RALGPS1: variants seen among roughly 807,000 people sequenced by gnomAD.
RALGPS1 encodes the protein Ral GEF with PH domain and SH3 binding motif 1.
RALGPS1 carries 19 observed loss-of-function variants against 78.8 expected under a neutral mutation model. The observed-to-expected ratio is 0.24, with a 90% CI of 0.17 to 0.35. The LOEUF (loss-of-function observed/expected upper bound fraction) is 0.35. Ranked by LOEUF, RALGPS1 falls within the 10% of genes least tolerant of loss-of-function variation. The pLI is 1.00. For synonymous variants in RALGPS1, 228 were observed against 256.3 expected, an observed-to-expected ratio of 0.89 and a Z score of 1.06; for missense variants, 454 against 688.3, an observed-to-expected ratio of 0.66 and a Z score of 3.81.
At chr9:127,081,629 A>C (rs1267081060) in intron 8 of RALGPS1, among the ~76,000 whole-genome samples, 3 of 152,340 alleles carry the variant, frequency 2.0e-5, no homozygotes, top group East Asian at 1.9e-4. Flanking sequence ...CACATTAACT[A>C]TCCTTCTAGG....
intron 18 of RALGPS1, among the ~76,000 whole-genome samples, chr9:127,215,428 G>A (rs1193727897): frequency 1.3e-5 from 2 of 152,246 alleles, no homozygotes; most frequent in African/African-American, 2.4e-5. Flanking sequence ...GGTGTTATGC[G>A]AAATGTTTCC....
intron 4 of RALGPS1, among the ~76,000 whole-genome samples, chr9:127,007,539 G>C (rs1394361207): frequency 6.6e-6 from 1 of 152,196 alleles, no homozygotes; most frequent in East Asian, 1.9e-4. Flanking sequence ...GGTGTATGGT[G>C]GGGGGCTCAG....
intron 9 of RALGPS1, among the ~76,000 whole-genome samples, chr9:127,168,227 G>A (rs140619098): frequency 1.3e-3 from 197 of 152,288 alleles, no homozygotes; most frequent in Non-Finnish European, 2.4e-3. Context: ...GGCTGGACAG[G>A]GTCTGTTCAT....
chr9:127,037,480 C>G (rs1380059617), intron 5 of RALGPS1, among the ~76,000 whole-genome samples: 1 of 152,234 alleles, frequency 6.6e-6, no homozygotes, highest in Non-Finnish European at 1.5e-5. Context: ...AACCCCAGCT[C>G]AAACTCAGTT....
chr9:127,138,822 A>G (rs957226131), intron 8 of RALGPS1, among the ~76,000 whole-genome samples: 1 of 152,190 alleles, frequency 6.6e-6, no homozygotes, highest in African/African-American at 2.4e-5. Context: ...TGTGACATCC[A>G]TTAGGAGCTC....
intron 14 of RALGPS1, among the ~76,000 whole-genome samples, chr9:127,206,418 GTTC>G (rs1014229259): frequency 1.3e-5 from 2 of 152,196 alleles, no homozygotes; most frequent in South Asian, 2.1e-4. Flanking sequence ...AAGCAAACAT[GTTC>G]TTCTTCATAT....
At chr9:127,074,718 G>A (rs1249634581) in intron 8 of RALGPS1, among the ~76,000 whole-genome samples, 2 of 152,258 alleles carry the variant, frequency 1.3e-5, no homozygotes, top group African/African-American at 4.8e-5. Flanking sequence ...ATAGCCCAGT[G>A]AATAAGCAGG....
chr9:127,126,099 T>G (rs1301463871), intron 8 of RALGPS1, among the ~76,000 whole-genome samples: 1 of 152,002 alleles, frequency 6.6e-6, no homozygotes, highest in Non-Finnish European at 1.5e-5. Flanking sequence ...CACCATTATT[T>G]GAAGCTTCAC....
In RALGPS1 at chr9:127,210,959, G is replaced by A. The variant is rs576113957; in HGVS notation, c.1248-1172G>A. Among the ~76,000 whole-genome samples, 5 of 152,314 alleles carry A rather than the reference G, an allele frequency of 3.3e-5. No homozygotes were observed. The East Asian group carries it at 9.6e-4, about 29-fold the overall frequency. On this transcript the variant is annotated intron_variant, in intron 14 of 18. Coordinates refer to ENST00000259351, the MANE Select transcript of RALGPS1 (RefSeq NM_014636.3). ...GAGGGGCACTCAGGAAGAGGAGGGG[G>A]AGCTTACTTGGTTCGGGAGATCAGG...
intron 8 of RALGPS1, among the ~76,000 whole-genome samples, chr9:127,152,964 A>C (rs1295435639): frequency 2.0e-5 from 3 of 152,240 alleles, no homozygotes; most frequent in African/African-American, 7.2e-5. Flanking sequence ...GAAGAAAGCA[A>C]GGTCCCAGGA....
intron 4 of RALGPS1, among the ~76,000 whole-genome samples, chr9:127,013,387 CT>C (rs1359003318): frequency 6.6e-6 from 1 of 152,138 alleles, no homozygotes; most frequent in African/African-American, 2.4e-5. Context: ...CAAACCAAGC[CT>C]GATTCTTTCC....
intron 8 of RALGPS1, among the ~76,000 whole-genome samples, chr9:127,092,374 C>T (rs1436914988): frequency 2.6e-5 from 4 of 152,098 alleles, no homozygotes; most frequent in South Asian, 2.1e-4. Context: ...ACGCACCAGA[C>T]GGGTGTGAGC....
At chr9:126,979,389 C>A (rs774118102) in intron 4 of RALGPS1, among the ~76,000 whole-genome samples, 2 of 152,058 alleles carry the variant, frequency 1.3e-5, no homozygotes, top group Non-Finnish European at 2.9e-5. Flanking sequence ...TCCATTATTT[C>A]TAATCAAAAA....
chr9:126,964,406 C>T (rs182420733), intron 2 of RALGPS1, among the ~76,000 whole-genome samples: 10 of 151,692 alleles, frequency 6.6e-5, no homozygotes, highest in African/African-American at 1.7e-4. Context: ...TGAGCTCACC[C>T]GAGTCCCCTT....
chr9:126,992,607 G>A (rs117300749), intron 4 of RALGPS1, among the ~76,000 whole-genome samples: 3,206 of 152,256 alleles, frequency 0.021, 139 homozygotes, highest in Admixed American at 0.12. Flanking sequence ...CATTTGGGGA[G>A]AATTGACATT....
intron 8 of RALGPS1, among the ~76,000 whole-genome samples, chr9:127,075,200 A>T (rs2050571938): frequency 6.6e-6 from 1 of 152,208 alleles, no homozygotes; most frequent in African/African-American, 2.4e-5. Context: ...ACTCTAAGCG[A>T]GTCCAGCTGA....
At chr9:127,137,132 G>A (rs1404882734) in intron 8 of RALGPS1, among the ~76,000 whole-genome samples, 9 of 152,208 alleles carry the variant, frequency 5.9e-5, no homozygotes, top group African/African-American at 1.9e-4. Flanking sequence ...TGTTTGACAA[G>A]GTTGCCTAAG....
chr9:127,197,017 G>A (rs1466463048), intron 13 of RALGPS1, among the ~76,000 whole-genome samples: 1 of 152,212 alleles, frequency 6.6e-6, no homozygotes, highest in African/African-American at 2.4e-5. Context: ...GGCAAAGCAG[G>A]AGAGGCAGCC....
At chr9:126,940,351 C>T (rs2036646007) in intron 1 of RALGPS1, among the ~76,000 whole-genome samples, 1 of 152,104 alleles carries the variant, frequency 6.6e-6, no homozygotes, top group African/African-American at 2.4e-5. Context: ...TACGATCCTG[C>T]CACCTGCCAC....
Sources: gnomAD v4.1 joint callset for allele counts (sites outside exome capture counted in the v4.1 genomes callset) on GRCh38, gnomAD v4.1.1 for gene constraint, MANE v1.5 for transcripts, NCBI Gene and HGNC (gene_info 2026-07-23, HGNC 2026-07-21) for gene names.